The following IGFBPL1 variants were observed in gnomAD, a reference collection of about 807,000 sequenced individuals.
IGFBPL1 encodes the protein insulin-like growth factor-binding protein-like 1.
IGFBPL1 carries 20 observed loss-of-function variants against 23.9 expected under a neutral mutation model. The observed-to-expected ratio is 0.84, with a 90% confidence interval of 0.59 to 1.22. IGFBPL1 has a LOEUF of 1.22. IGFBPL1 is among the 50% of genes most tolerant of loss of function. The probability of loss-of-function intolerance (pLI) is 0.00; values close to 1 mark genes in which losing one functional copy is unlikely to be tolerated. For synonymous variants in IGFBPL1, 184 were observed against 171.8 expected (o/e 1.07, Z -0.56); for missense variants, 436 against 379.3 (o/e 1.15, Z -1.24).
Position 38,413,304 on chromosome 9 carries a change from T to C in IGFBPL1, c.620A>G (p.Asp207Gly). ...GTQALEELPG[D>G]HVNIAVQVRG... ...CACTTGGACAGCTATATTGACATGG[T>C]CCCCAGGCAGCTCCTCCAGTGCTTG... Residue 207 changes from aspartate (D) to glycine (G), a missense_variant, in exon 3 of 5, where the codon GAC (aspartate) becomes GGC (glycine). By Grantham distance (94) the Asp-to-Gly change is moderately conservative. Transcript: ENST00000377694. 6.2e-7 allele frequency: 1 copy of C among 1,614,050 alleles called. No homozygotes were observed. Among genetic ancestry groups the C allele is most frequent in the Non-Finnish European group, 8.5e-7 (1 of 1,179,974 alleles).
rs1360248938 is a variant in IGFBPL1, at chr9:38,407,841, A to G, written c.*1386T>C. Among the ~76,000 whole-genome samples the G allele has an allele frequency of 6.6e-6, 1 of 152,218 alleles. No individual in the cohort carries two copies. The highest frequency in any genetic ancestry group is 2.4e-5 in the African/African-American group (1 of 41,460). On this transcript the variant is annotated 3_prime_UTR_variant, in exon 5 of 5. Coordinates refer to ENST00000377694, the MANE Select transcript of IGFBPL1 (RefSeq NM_001007563.3). ...AGTTGGGATCAAGCTTTATGAACTTAAAGGACTGTGCATAGTAAGGGCTCT... is the reference window on the plus strand; with the variant it reads ...AGTTGGGATCAAGCTTTATGAACTTGAAGGACTGTGCATAGTAAGGGCTCT...
At position 38,409,043 on chromosome 9, in the gene IGFBPL1, T is replaced by G. The variant is rs1821472727; in HGVS notation, c.*184A>C. ...TATAAAAAAGCCACATGCAAATCCG[T>G]TTCTCACTGTTTGCCCTGCTAAAAA... On this transcript the variant is annotated 3_prime_UTR_variant, in exon 5 of 5. Transcript: ENST00000377694. 6.6e-6 allele frequency: 1 copy of G among 152,140 alleles called. No homozygotes were observed. Among genetic ancestry groups the G allele is most frequent in the African/African-American group, 2.4e-5 (1 of 41,424 alleles). 9.4% of individuals were successfully genotyped at this position (152,140 alleles called of 1,614,324 possible).
In IGFBPL1 at chr9:38,420,678, A is replaced by G. The variant is rs562840965; in HGVS notation, c.460+3287T>C. 3.9e-5 allele frequency among the ~76,000 whole-genome samples: 6 copies of G among 152,278 alleles called. No individual in the cohort carries two copies. In the South Asian group the frequency reaches 1.2e-3, roughly 32 times the overall value. On this transcript the variant is annotated intron_variant, in intron 1 of 4. Coordinates refer to ENST00000377694, the MANE Select transcript of IGFBPL1 (RefSeq NM_001007563.3). ...AAACCCCGTCTCTACTAAAAGTACA[A>G]AAAACAAAATTAGCCAGGCGTGGTG...
intron 1 of IGFBPL1, among the ~76,000 whole-genome samples, chr9:38,419,866 T>TCCC (rs1563920720): frequency 3.3e-5 from 2 of 60,186 alleles, no homozygotes; most frequent in African/African-American, 1.7e-4. Context: ...CTCCTCCCCC[T>TCCC]CCTCCTCCTC....
At chr9:38,420,763 G>A (rs1276603415) in intron 1 of IGFBPL1, among the ~76,000 whole-genome samples, 1 of 152,302 alleles carries the variant, frequency 6.6e-6, no homozygotes, top group Non-Finnish European at 1.5e-5. Flanking sequence ...CGTGAACCCA[G>A]GAGGTGGAGC....
chr9:38,409,562 G>C (rs572888201), intron 4 of IGFBPL1, among the ~76,000 whole-genome samples: 1 of 152,334 alleles, frequency 6.6e-6, no homozygotes, highest in Non-Finnish European at 1.5e-5. Flanking sequence ...CTAGGCAGCA[G>C]TGATGCTCTT....
chr9:38,411,517 C>T lies in IGFBPL1; in HGVS notation c.720G>A (p.Val240=), dbSNP rs200114995. ...INPLRKEDEG[V]YQCHAANMVG... ...CCATGTTGGCTGCATGGCACTGGTA[C>T]ACACCCTCATCCTCCTTTCGCAGGG... The change falls in exon 4 of 5, where the codon GTG becomes GTA. Residue 240 remains valine (V), a synonymous_variant. Transcript: ENST00000377694. 6.2e-7 allele frequency: 1 copy of T among 1,614,102 alleles called. No individual in the cohort carries two copies. Among genetic ancestry groups the T allele is most frequent in the African/African-American group, 1.3e-5 (1 of 75,050 alleles).
Position 38,424,315 on chromosome 9 carries a change from T to A in IGFBPL1, c.110A>T (p.Lys37Met), listed in dbSNP as rs1297536292. The change falls in exon 1 of 5, where the codon AAG (lysine) becomes ATG (methionine). Residue 37 changes from lysine to methionine, a missense_variant. Physicochemically the swap from Lys to Met is moderately conservative, Grantham distance 95 (BLOSUM62 -1). Coordinates refer to ENST00000377694, the MANE Select transcript of IGFBPL1 (RefSeq NM_001007563.3). ...GCCCTCTGGCCGGCACGGACCACAC[T>A]TGGGGCGCCGGCCGCCCACGTCGCG... ...GIRDVGGRRP[K>M]CGPCRPEGCP... The A allele has an allele frequency of 3.3e-6, 4 of 1,227,328 alleles. No individual in the cohort carries two copies. Among genetic ancestry groups the A allele is most frequent in the Non-Finnish European group, 4.4e-6 (4 of 919,240 alleles). The allele number at this position is 1,227,328 out of a possible 1,614,324, so 76.0% of individuals were successfully genotyped here.
rs1821723242 is a variant in IGFBPL1 at position 38,424,086 on chromosome 9, G to T, written c.339C>A (p.Thr113=). 1 of 1,372,298 alleles carries T rather than the reference G, an allele frequency of 7.3e-7. No individual in the cohort carries two copies. The highest frequency in any genetic ancestry group is 9.4e-7 in the Non-Finnish European group (1 of 1,066,580). 85.0% of individuals were successfully genotyped at this position (1,372,298 alleles called of 1,614,324 possible). A position where few individuals can be genotyped will look rare whatever the true frequency, so the allele number is the denominator to read the frequency against. ...TGLCVCAQRG[T]VCGSDGRSYP... ...ACGAGCGACCGTCGGAGCCGCAGAC[G>T]GTGCCGCGCTGCGCGCACACGCAGA... Residue 113 remains threonine (T), a synonymous_variant, in exon 1 of 5, where the codon ACC becomes ACA. Transcript: ENST00000377694.
At position 38,411,418 on chromosome 9, in the gene IGFBPL1, A is replaced by AT. The variant is rs201197777; in HGVS notation, c.818_819insA (p.Pro274SerfsTer3). On this transcript the variant is annotated frameshift_variant, in exon 4 of 5. Transcript: ENST00000377694. LOFTEE classifies it high-confidence loss of function. ...TTCTCCATCACATGCGGTCATCGGG[A>AT]GCTGGGAAGTGGAAGCTCCTGTATT... 1.8e-3 allele frequency: 2,963 copies of AT among 1,613,570 alleles called. 47 individuals are homozygous for AT. The African/African-American group carries it at 0.03, about 16-fold the overall frequency.
rs1821731654 is a variant in IGFBPL1, at chr9:38,424,371, C to T, written c.54G>A (p.Leu18=). 4.4e-6 allele frequency: 3 copies of T among 688,572 alleles called. No individual in the cohort carries two copies. Among genetic ancestry groups the T allele is most frequent in the African/African-American group, 3.8e-5 (2 of 53,200 alleles). 42.7% of individuals were successfully genotyped at this position (688,572 alleles called of 1,614,324 possible). ...LPLLLLLLLP[L]LPPLSPSLGI... ...CAAGGCTCGGGGACAGCGGCGGCAG[C>T]AGCGGCAGCAGCAGCAGAAGCAGCA... is the stretch of plus-strand genomic sequence containing the variant. The change falls in exon 1 of 5, where the codon CTG becomes CTA. Residue 18 remains leucine (L), a synonymous_variant. Transcript: ENST00000377694.
In IGFBPL1 at chr9:38,423,983, C is replaced by G. The variant is rs1821719612; in HGVS notation, c.442G>C (p.Asp148His). The change falls in exon 1 of 5, where the codon GAC becomes CAC. Residue 148 changes from aspartate (D) to histidine (H), a missense_variant. Coordinates refer to ENST00000377694, the MANE Select transcript of IGFBPL1 (RefSeq NM_001007563.3). The stretch of plus-strand genomic sequence containing the variant: ...GACTCACCGAACTCGCAAGGGCCGT[C>G]GCGCGCCTTGTGCAGGTGACCGGGG... Reference protein sequence around the residue: ...AHPGHLHKARDGPCEFAPVVV... With the variant: ...AHPGHLHKARHGPCEFAPVVV... 7.1e-6 allele frequency: 10 copies of G among 1,405,722 alleles called. No individual in the cohort carries two copies. The highest frequency in any genetic ancestry group is 9.2e-6 in the Non-Finnish European group (10 of 1,089,366). The allele number at this position is 1,405,722 out of a possible 1,614,324, so 87.1% of individuals were successfully genotyped here.
rs140461418 is a variant in IGFBPL1 at position 38,418,984 on chromosome 9, G to A, written c.461-4781C>T. ...AAATGAAGATGATGACCGCAGCCTC[G>A]CATCCTTGGGGTGAAGGGAGAAAAT... is the stretch of plus-strand genomic sequence containing the variant. On this transcript the variant is annotated intron_variant, in intron 1 of 4. Coordinates refer to ENST00000377694, the MANE Select transcript of IGFBPL1 (RefSeq NM_001007563.3). Among the ~76,000 whole-genome samples the A allele has an allele frequency of 7.7e-3, 1,165 of 152,156 alleles. 14 individuals are homozygous for A. Among genetic ancestry groups the A allele is most frequent in the African/African-American group, 0.026 (1,098 of 41,492 alleles).
chr9:38,419,451 T>TG (rs1241468858), intron 1 of IGFBPL1, among the ~76,000 whole-genome samples: 1 of 152,146 alleles, frequency 6.6e-6, no homozygotes, highest in Admixed American at 6.5e-5. Flanking sequence ...CCTGGTTACC[T>TG]GGTAACACAC....
chr9:38,419,863 CCCTCCTCCTCCT>C (rs71363990), intron 1 of IGFBPL1, among the ~76,000 whole-genome samples: 1 of 146,074 alleles, frequency 6.8e-6, no homozygotes, highest in East Asian at 2.1e-4. Context: ...CTCCTCCTCC[CCCTCCTCCTCCT>C]CCTCCTCCTC....
chr9:38,413,481 T>C (rs893556220), intron 2 of IGFBPL1, 128 bp from the exon 3 acceptor site: 1 of 619,148 alleles, frequency 1.6e-6, no homozygotes, highest in African/African-American at 1.8e-5. Context: ...ACCCTAGCAC[T>C]GCTCATGCCT....
intron 1 of IGFBPL1, among the ~76,000 whole-genome samples, chr9:38,416,540 G>A (rs12338399): frequency 3.9e-5 from 6 of 152,028 alleles, no homozygotes; most frequent in South Asian, 4.2e-4. Context: ...AGCACAATTC[G>A]TTCCTTCTGG....
chr9:38,423,792 A>T (rs1391180318), intron 1 of IGFBPL1, among the ~76,000 whole-genome samples, 173 bp downstream of exon 1: 3 of 152,164 alleles, frequency 2.0e-5, no homozygotes, highest in Non-Finnish European at 4.4e-5. Flanking sequence ...GTCTCCAAGG[A>T]TTCTCGCCCC....
At chr9:38,413,654 T>C (rs938125266) in intron 2 of IGFBPL1, among the ~76,000 whole-genome samples, 8 of 152,206 alleles carry the variant, frequency 5.3e-5, no homozygotes, top group African/African-American at 1.9e-4. Context: ...TTCGCTGTGA[T>C]CCTTGCCGGT....
Sources: gnomAD v4.1 joint callset for allele counts (sites outside exome capture counted in the v4.1 genomes callset) on GRCh38, gnomAD v4.1.1 for gene constraint, MANE v1.5 for transcripts, NCBI Gene and HGNC (gene_info 2026-07-23, HGNC 2026-07-21) for gene names.